Variants in PDE3B observed in about 807,000 individuals in gnomAD.
PDE3B encodes phosphodiesterase 3B, also known as cGMP-inhibited 3',5'-cyclic phosphodiesterase 3B.
Under a neutral mutation model 116.8 loss-of-function variants are expected in PDE3B, and 66 were observed. That is an observed-to-expected ratio of 0.56 (90% CI 0.46 to 0.69). The LOEUF (loss-of-function observed/expected upper bound fraction) is 0.69. Ranked by LOEUF, PDE3B falls within the 30% of genes least tolerant of loss-of-function variation. The probability of loss-of-function intolerance (pLI) is 0.00; values close to 1 mark genes in which losing one functional copy is unlikely to be tolerated. For synonymous variants in PDE3B, 595 were observed against 533.6 expected, an observed-to-expected ratio of 1.12 and a Z score of -1.59; for missense variants, 1,384 against 1,368.1, an observed-to-expected ratio of 1.01 and a Z score of -0.18.
intron 3 of PDE3B, among the ~76,000 whole-genome samples, chr11:14,788,651 T>C (rs1858287138): frequency 6.6e-6 from 1 of 152,010 alleles, no homozygotes. Flanking sequence ...CAGTCATTTA[T>C]TCAAACCCAG....
the PDE3B span, among the ~76,000 whole-genome samples, chr11:14,881,510 C>T: frequency 3.9e-5 from 6 of 152,078 alleles, no homozygotes; most frequent in Non-Finnish European, 4.4e-5. Context: ...TACTGGGACA[C>T]GGTTGTACCT....
intron 1 of PDE3B, among the ~76,000 whole-genome samples, chr11:14,660,580 A>G (rs1853870195): frequency 6.6e-6 from 1 of 152,092 alleles, no homozygotes; most frequent in Non-Finnish European, 1.5e-5. Context: ...CTGGGATTGC[A>G]GGCATGAGCC....
chr11:14,878,662 G>A, the PDE3B span, among the ~76,000 whole-genome samples: 8 of 152,186 alleles, frequency 5.3e-5, no homozygotes, highest in South Asian at 1.7e-3. Flanking sequence ...TCCAGTGAAG[G>A]GGAAGAGTTT....
At chr11:14,735,768 C>G (rs1856578560) in intron 1 of PDE3B, among the ~76,000 whole-genome samples, 1 of 152,106 alleles carries the variant, frequency 6.6e-6, no homozygotes, top group African/African-American at 2.4e-5. Flanking sequence ...GCAATAGATT[C>G]AATATAAAGG....
At chr11:14,777,153 C>CTT (rs1857812324) in intron 2 of PDE3B, among the ~76,000 whole-genome samples, 1 of 152,008 alleles carries the variant, frequency 6.6e-6, no homozygotes. Flanking sequence ...GTGGAGATGA[C>CTT]AGTAGGATAG....
At chr11:14,694,626 A>G (rs1590067675) in intron 1 of PDE3B, among the ~76,000 whole-genome samples, 2 of 152,128 alleles carry the variant, frequency 1.3e-5, no homozygotes, top group Admixed American at 1.3e-4. Flanking sequence ...AGTATAGTGT[A>G]AATATACTTA....
intron 1 of PDE3B, chr11:14,701,015 T>A (rs1454646489): frequency 4.0e-5 from 6 of 151,758 alleles, no homozygotes; most frequent in Non-Finnish European, 7.4e-5. Context: ...GTGCCTATCA[T>A]GTACATAATA....
At chr11:14,657,591 C>A (rs1210844995) in intron 1 of PDE3B, among the ~76,000 whole-genome samples, 2 of 152,204 alleles carry the variant, frequency 1.3e-5, no homozygotes, top group East Asian at 3.9e-4. Context: ...TTATGTAAGT[C>A]ATTTTTTGTT....
chr11:14,792,250 A>G (rs938169665), intron 4 of PDE3B, among the ~76,000 whole-genome samples: 4 of 152,172 alleles, frequency 2.6e-5, no homozygotes, highest in African/African-American at 9.7e-5. Context: ...TGATATGGAA[A>G]GCTTTCTAGG....
intron 2 of PDE3B, among the ~76,000 whole-genome samples, chr11:14,784,919 G>A (rs1278935982): frequency 6.6e-6 from 1 of 152,030 alleles, no homozygotes; most frequent in Non-Finnish European, 1.5e-5. Context: ...TTGAGGAAAG[G>A]TTACTTGCAA....
At chr11:14,867,906 T>C in intron 15 of PDE3B, 148 bp downstream of exon 15, 1 of 639,280 alleles carries the variant, frequency 1.6e-6, no homozygotes, top group Non-Finnish European at 2.6e-6. Flanking sequence ...GACACTTGGA[T>C]TTCAGATTTT....
intron 5 of PDE3B, among the ~76,000 whole-genome samples, chr11:14,813,611 G>A (rs1401941821): frequency 6.6e-6 from 1 of 152,178 alleles, no homozygotes; most frequent in East Asian, 1.9e-4. Flanking sequence ...GCAACCTTAA[G>A]GCCATTTGCA....
chr11:14,768,474 T>A (rs1318418545), intron 1 of PDE3B, among the ~76,000 whole-genome samples: 1 of 151,602 alleles, frequency 6.6e-6, no homozygotes, highest in African/African-American at 2.4e-5. Flanking sequence ...ACTGTATGTA[T>A]CTGTCTGTGA....
At chr11:14,645,328 G>A (rs1853369089) in intron 1 of PDE3B, among the ~76,000 whole-genome samples, 1 of 152,172 alleles carries the variant, frequency 6.6e-6, no homozygotes, top group African/African-American at 2.4e-5. Flanking sequence ...GACTGTATAT[G>A]CAATAGATGA....
intron 4 of PDE3B, among the ~76,000 whole-genome samples, chr11:14,801,940 C>T (rs762709023): frequency 6.6e-5 from 10 of 152,232 alleles, no homozygotes; most frequent in Admixed American, 1.3e-4. Flanking sequence ...GAGGGCAAAA[C>T]GCCTACTCAA....
At chr11:14,774,400 T>C (rs1305681487) in intron 2 of PDE3B, 1 of 152,206 alleles carries the variant, frequency 6.6e-6, no homozygotes, top group Non-Finnish European at 1.5e-5. Context: ...GCCAATATTA[T>C]ATAAATTTCA....
intron 7 of PDE3B, among the ~76,000 whole-genome samples, chr11:14,828,824 G>GAAT (rs1448725268): frequency 6.6e-6 from 1 of 152,070 alleles, no homozygotes; most frequent in East Asian, 1.9e-4. Flanking sequence ...ATATCCAAAG[G>GAAT]AATATAAGTC....
intron 1 of PDE3B, among the ~76,000 whole-genome samples, chr11:14,761,181 A>G (rs1290398661): frequency 1.3e-5 from 2 of 152,196 alleles, no homozygotes; most frequent in African/African-American, 4.8e-5. Context: ...AGAAGTCTTT[A>G]AAAATTCTAG....
At chr11:14,781,501 T>C (rs933788133) in intron 2 of PDE3B, among the ~76,000 whole-genome samples, 1 of 152,156 alleles carries the variant, frequency 6.6e-6, no homozygotes, top group African/African-American at 2.4e-5. Flanking sequence ...CAAGGCTGGT[T>C]CAACATACAC....
Sources: allele counts gnomAD v4.1 joint callset (sites outside exome capture counted in the v4.1 genomes callset), GRCh38; gene constraint gnomAD v4.1.1; transcripts MANE v1.5; gene names NCBI Gene and HGNC (gene_info 2026-07-23, HGNC 2026-07-21).